FRMPD4: variants seen among roughly 807,000 people sequenced by gnomAD.
FRMPD4 encodes FERM and PDZ domain-containing protein 4.
In FRMPD4, 22 loss-of-function variants were observed where a neutral mutation model predicts 94.1. The observed-to-expected ratio is 0.23, with a 90% CI of 0.17 to 0.33. The LOEUF (loss-of-function observed/expected upper bound fraction) is 0.33, where lower values mean the gene tolerates loss of function less well. Ranked by LOEUF, FRMPD4 falls within the 10% of genes least tolerant of loss-of-function variation. The probability of loss-of-function intolerance (pLI) is 1.00; values close to 1 mark genes in which losing one functional copy is unlikely to be tolerated. For missense variants in FRMPD4, 1,111 were observed against 1,339.9 expected, an observed-to-expected ratio of 0.83 and a Z score of 2.67; for synonymous variants, 631 against 548.6, an observed-to-expected ratio of 1.15 and a Z score of -2.10.
chrX:12,042,114 T>G (rs189984628), intron 3 of FRMPD4, among the ~76,000 whole-genome samples: 1 of 111,529 alleles, frequency 9.0e-6, no homozygotes, highest in East Asian at 2.8e-4. Flanking sequence ...CTTTTAAATA[T>G]GGTTTCCTTT....
chrX:12,582,372 A>T (rs1297340391), intron 2 of FRMPD4, among the ~76,000 whole-genome samples: 3 of 111,827 alleles, frequency 2.7e-5, no homozygotes, highest in Admixed American at 1.9e-4. Context: ...AGGCTTAAAA[A>T]CTTTCATGGC....
intron 3 of FRMPD4, among the ~76,000 whole-genome samples, chrX:11,981,422 C>T (rs943035765): frequency 1.8e-5 from 2 of 111,391 alleles, no homozygotes; most frequent in African/African-American, 6.5e-5. Flanking sequence ...ATTGTTTTGC[C>T]TAAATCATGT....
At chrX:12,512,294 AGTTTATT>A (rs1049287184) in intron 2 of FRMPD4, among the ~76,000 whole-genome samples, 2 of 112,040 alleles carry the variant, frequency 1.8e-5, no homozygotes, top group Non-Finnish European at 3.8e-5. Context: ...CTGCCATGGT[AGTTTATT>A]GCACCTATCA....
At chrX:12,059,942 A>C (rs2054875741) in intron 3 of FRMPD4, among the ~76,000 whole-genome samples, 1 of 111,558 alleles carries the variant, frequency 9.0e-6, no homozygotes, top group Non-Finnish European at 1.9e-5. Flanking sequence ...TTTTTGGTAG[A>C]ATAACACTAC....
rs145131749 is a variant in FRMPD4 at position 11,874,564 on chromosome X, A to G, written c.-29-3331A>G. Among the ~76,000 whole-genome samples, 46 of 112,577 alleles carry G rather than the reference A, an allele frequency of 4.1e-4. No homozygotes were observed. In the East Asian group the frequency reaches 0.011, roughly 27 times the overall value. ...TTGTATGCAAATACTACACTATTTTACATAAGGGACTTGGGCATCCTCGAA... is the reference window on the plus strand; with the variant it reads ...TTGTATGCAAATACTACACTATTTTGCATAAGGGACTTGGGCATCCTCGAA... On this transcript the variant is annotated intron_variant, in intron 2 of 18. Transcript: ENST00000640291.
At chrX:12,148,126 C>G (rs745940049) in intron 1 of FRMPD4, among the ~76,000 whole-genome samples, 1 of 112,060 alleles carries the variant, frequency 8.9e-6, no homozygotes, top group Non-Finnish European at 1.9e-5. Flanking sequence ...ACATCTCTCA[C>G]TTTAAATTGA....
intron 1 of FRMPD4, among the ~76,000 whole-genome samples, chrX:12,339,738 T>C (rs1373612990): frequency 1.8e-5 from 2 of 110,585 alleles, no homozygotes; most frequent in African/African-American, 6.6e-5. Context: ...TGCCTCAGCC[T>C]CCCAAGTAGC....
At chrX:12,379,037 A>T (rs2056281212) in intron 1 of FRMPD4, among the ~76,000 whole-genome samples, 2 of 111,909 alleles carry the variant, frequency 1.8e-5, no homozygotes, top group Non-Finnish European at 3.8e-5. Context: ...GACACAAAAA[A>T]CCCTGCAAAA....
Position 11,929,540 on chromosome X carries a change from A to G in FRMPD4, c.95+51522A>G, listed in dbSNP as rs756167847. Among the ~76,000 whole-genome samples, 5 of 112,418 alleles carry G rather than the reference A, an allele frequency of 4.4e-5. No individual in the cohort carries two copies. In the South Asian group the frequency reaches 1.9e-3, roughly 42 times the overall value. On this transcript the variant is annotated intron_variant, in intron 3 of 18. Transcript: ENST00000640291. ...TGAGCCCCAAAAGAATAAAATGTCA[A>G]TGATCTTCCTGACAGATGGAGGTCG...
rs1242596197 is a variant in FRMPD4, at chrX:11,824,198, A to G, written c.-161+1483A>G. Among the ~76,000 whole-genome samples the G allele has an allele frequency of 4.5e-5, 5 of 111,461 alleles. No homozygotes were observed. In the Admixed American group the frequency reaches 4.8e-4, roughly 11 times the overall value. On this transcript the variant is annotated intron_variant, in intron 1 of 18. Coordinates refer to the FRMPD4 transcript ENST00000640291. ...TGGCGCCATCAGCAATATGGGGAAG[A>G]CTTGGGAAAGAGTAGGTGTGTGGGT...
At position 12,609,893 on chromosome X, in the gene FRMPD4, A is replaced by G; in HGVS notation, c.319+12A>G. 8.3e-7 allele frequency: 1 copy of G among 1,197,657 alleles called. No homozygotes were observed. The highest frequency in any genetic ancestry group is 1.1e-6 in the Non-Finnish European group (1 of 883,851). The stretch of plus-strand genomic sequence containing the variant: ...CTCAGTAACACCAGGTAAGCACCCA[A>G]TCCCAGTTCTTGGTTTCCTGGGAAT... On this transcript the variant is annotated intron_variant, in intron 3 of 16. Transcript: ENST00000675598.
At chrX:12,334,460 C>T (rs751171144) in intron 1 of FRMPD4, among the ~76,000 whole-genome samples, 5 of 111,217 alleles carry the variant, frequency 4.5e-5, no homozygotes, top group East Asian at 2.8e-4. Flanking sequence ...ACAAAACTTA[C>T]GTTATGCAAA....
At chrX:12,497,400 T>G (rs899932976) in intron 1 of FRMPD4, among the ~76,000 whole-genome samples, 2 of 110,020 alleles carry the variant, frequency 1.8e-5, no homozygotes, top group Non-Finnish European at 3.8e-5. Flanking sequence ...GTGTGGTTTT[T>G]TTGTTGTTGT....
At chrX:12,022,335 A>G (rs1248559848) in intron 3 of FRMPD4, among the ~76,000 whole-genome samples, 1 of 112,395 alleles carries the variant, frequency 8.9e-6, no homozygotes, top group African/African-American at 3.2e-5. Flanking sequence ...CTAGCACAGG[A>G]AAGTTGCTGA....
chrX:12,347,900 T>C (rs1277272093), intron 1 of FRMPD4, among the ~76,000 whole-genome samples: 1 of 111,917 alleles, frequency 8.9e-6, no homozygotes, highest in East Asian at 2.8e-4. Flanking sequence ...TTCATTATTA[T>C]TGCAAATTTT....
chrX:12,499,672 T>C lies in FRMPD4; in HGVS notation c.158+876T>C, dbSNP rs186603283. On this transcript the variant is annotated intron_variant, in intron 2 of 16. Coordinates refer to ENST00000675598, the MANE Select transcript of FRMPD4 (RefSeq NM_001368397.1). Reference sequence around the variant, plus strand: ...TTCACTTAGCGTAACGTTTTCAGGCTCATCTATGCTGTAGCACATGTCAGA... The same window carrying C: ...TTCACTTAGCGTAACGTTTTCAGGCCCATCTATGCTGTAGCACATGTCAGA... Among the ~76,000 whole-genome samples, 201 of 112,826 alleles carry C rather than the reference T, an allele frequency of 1.8e-3. 1 individual carries two copies. The highest frequency in any genetic ancestry group is 5.8e-3 in the African/African-American group (179 of 31,111).
chrX:12,588,419 T>A (rs1285301053), intron 2 of FRMPD4, among the ~76,000 whole-genome samples: 3 of 112,489 alleles, frequency 2.7e-5, no homozygotes, highest in Non-Finnish European at 5.6e-5. Context: ...CTGTTACTGA[T>A]CAGGATGGCT....
intron 3 of FRMPD4, among the ~76,000 whole-genome samples, chrX:11,888,523 G>A: frequency 9.0e-6 from 1 of 111,316 alleles, no homozygotes; most frequent in Non-Finnish European, 1.9e-5. Context: ...TTGTCAATAG[G>A]GCTGTTTCAT....
rs2054628124 is a variant in FRMPD4, at chrX:12,020,740, C to A, written c.95+142722C>A. ...CTATAGAGAGCCCTGCAGTATGCAT[C>A]CATTGTAGGGTTTCAATTAATTAAT... On this transcript the variant is annotated intron_variant, in intron 3 of 18. Transcript: ENST00000640291. 2.7e-5 allele frequency among the ~76,000 whole-genome samples: 3 copies of A among 111,604 alleles called. No homozygotes were observed. The Admixed American group carries it at 2.8e-4, about 11-fold the overall frequency.
Sources: allele counts gnomAD v4.1 joint callset (sites outside exome capture counted in the v4.1 genomes callset), GRCh38; gene constraint gnomAD v4.1.1; transcripts MANE v1.5; gene names NCBI Gene and HGNC (gene_info 2026-07-23, HGNC 2026-07-21).